Variants in MEI4 observed in about 807,000 individuals in gnomAD.
MEI4 encodes the protein meiotic double-stranded break formation protein 4.
In MEI4, 27 loss-of-function variants were observed where a neutral mutation model predicts 31.4. That is an observed-to-expected ratio of 0.86 (90% CI 0.63 to 1.19). The LOEUF is 1.19. Among genes scored for constraint, MEI4 ranks in the 50% most tolerant of loss-of-function variants. MEI4 has a pLI of 0.00. For synonymous variants in MEI4, 122 were observed against 145.4 expected (o/e 0.84, Z 1.16); for missense variants, 329 against 398.9 (o/e 0.82, Z 1.49).
intron 4 of MEI4, among the ~76,000 whole-genome samples, chr6:77,863,602 C>G (rs6933053): frequency 0.019 from 2,880 of 152,270 alleles, 65 homozygotes; most frequent in East Asian, 0.088. Context: ...AAATCTACGT[C>G]TGATTGGTAC....
chr6:77,704,259 A>G (rs1238380340), intron 2 of MEI4, among the ~76,000 whole-genome samples: 1 of 152,114 alleles, frequency 6.6e-6, no homozygotes, highest in African/African-American at 2.4e-5. Flanking sequence ...CTTCTCCCCC[A>G]GTGCCCTTTA....
intron 2 of MEI4, among the ~76,000 whole-genome samples, chr6:77,732,277 A>G (rs1767025138): frequency 6.6e-6 from 1 of 151,932 alleles, no homozygotes; most frequent in African/African-American, 2.4e-5. Context: ...ATGTTCTTCC[A>G]TTTGTTTTTA....
rs776754775 is a variant in MEI4, at chr6:77,677,076, ATTAC to A, written c.-14-13579_-14-13576del. 2.4e-4 allele frequency among the ~76,000 whole-genome samples: 37 copies of A among 152,342 alleles called. 1 individual carries two copies. The highest frequency in any genetic ancestry group is 4.6e-4 in the Non-Finnish European group (31 of 68,018). On this transcript the variant is annotated intron_variant, in intron 1 of 4. Coordinates refer to ENST00000684080, the MANE Select transcript of MEI4 (RefSeq NM_001322247.2). ...GTGGGCTTATGGTTAAGATGTTTAT[ATTAC>A]TTCAGTCACTTTATGCTAGAAAAGT...
chr6:77,685,172 A>G (rs1166426880), intron 1 of MEI4, among the ~76,000 whole-genome samples: 1 of 152,080 alleles, frequency 6.6e-6, no homozygotes, highest in African/African-American at 2.4e-5. Context: ...GTCTATTCAA[A>G]TCTTTTGCCC....
intron 4 of MEI4, among the ~76,000 whole-genome samples, chr6:77,914,895 A>G (rs1273193340): frequency 6.6e-6 from 1 of 151,796 alleles, no homozygotes. Flanking sequence ...TTTCACTTCT[A>G]TTTGCATTGA....
chr6:77,861,691 T>C (rs2127721317), intron 4 of MEI4, among the ~76,000 whole-genome samples: 1 of 152,322 alleles, frequency 6.6e-6, no homozygotes, highest in African/African-American at 2.4e-5. Context: ...GAGTTCAAAA[T>C]CTGCTTCAGG....
rs145660730 is a variant in MEI4, at chr6:77,780,787, T to G, written c.768+19122T>G. On this transcript the variant is annotated intron_variant, in intron 3 of 4. Coordinates refer to ENST00000684080, the MANE Select transcript of MEI4 (RefSeq NM_001322247.2). ...TCTAATATTGTCTTATTGAATTGAATAGTTGAATTGATGAGTATCTAATGT... is the reference window on the plus strand; with the variant it reads ...TCTAATATTGTCTTATTGAATTGAAGAGTTGAATTGATGAGTATCTAATGT... 5.6e-4 allele frequency among the ~76,000 whole-genome samples: 86 copies of G among 152,296 alleles called. 2 individuals carry two copies. The highest frequency in any genetic ancestry group is 1.5e-3 in the African/African-American group (62 of 41,570).
At chr6:77,752,645 G>T (rs1309083259) in intron 2 of MEI4, among the ~76,000 whole-genome samples, 1 of 152,178 alleles carries the variant, frequency 6.6e-6, no homozygotes, top group Non-Finnish European at 1.5e-5. Flanking sequence ...CATGCTCATT[G>T]ATAGGAAGAA....
chr6:77,733,021 C>G (rs1474187762), intron 2 of MEI4, among the ~76,000 whole-genome samples: 2 of 151,868 alleles, frequency 1.3e-5, no homozygotes, highest in South Asian at 4.2e-4. Context: ...CTGCTGGATT[C>G]GTTTTGCCAG....
intron 2 of MEI4, among the ~76,000 whole-genome samples, chr6:77,747,471 G>T (rs1487098560): frequency 2.0e-5 from 3 of 152,172 alleles, no homozygotes; most frequent in Non-Finnish European, 4.4e-5. Flanking sequence ...CATGGCAGCA[G>T]GTGAGAGAGA....
At chr6:77,845,376 G>A (rs576489350) in intron 4 of MEI4, among the ~76,000 whole-genome samples, 28 of 152,256 alleles carry the variant, frequency 1.8e-4, no homozygotes, top group Admixed American at 1.5e-3. Flanking sequence ...GTGTCTGTGA[G>A]GGGGAGTGTG....
intron 1 of MEI4, among the ~76,000 whole-genome samples, chr6:77,660,137 G>A (rs571664304): frequency 2.0e-5 from 3 of 152,084 alleles, no homozygotes; most frequent in Non-Finnish European, 2.9e-5. Context: ...GTAAGGCGGG[G>A]ACAGCTGTGT....
intron 4 of MEI4, among the ~76,000 whole-genome samples, chr6:77,845,498 A>C (rs1178745027): frequency 6.6e-6 from 1 of 152,120 alleles, no homozygotes; most frequent in Non-Finnish European, 1.5e-5. Context: ...TCAGTTATTT[A>C]ATATATTTGG....
intron 1 of MEI4, among the ~76,000 whole-genome samples, chr6:77,659,827 G>A (rs1768468528): frequency 6.6e-6 from 1 of 152,194 alleles, no homozygotes; most frequent in Non-Finnish European, 1.5e-5. Context: ...ACATCGAGAA[G>A]GTGAAAGATT....
At chr6:77,909,530 G>T (rs920765661) in intron 4 of MEI4, among the ~76,000 whole-genome samples, 2 of 152,134 alleles carry the variant, frequency 1.3e-5, no homozygotes, top group Non-Finnish European at 2.9e-5. Context: ...TCTCTGAATA[G>T]ACCAGTAACA....
intron 3 of MEI4, among the ~76,000 whole-genome samples, chr6:77,788,599 T>C (rs1306158331): frequency 6.6e-6 from 1 of 152,010 alleles, no homozygotes; most frequent in Non-Finnish European, 1.5e-5. Context: ...AGCATTCTTA[T>C]ACACCAAGAA....
rs185784460 is a variant in MEI4, at chr6:77,756,883, T to G, written c.233-4247T>G. 2.1e-3 allele frequency among the ~76,000 whole-genome samples: 325 copies of G among 152,294 alleles called. 1 individual carries two copies. The highest frequency in any genetic ancestry group is 1.6e-3 in the Non-Finnish European group (109 of 68,034). The stretch of plus-strand genomic sequence containing the variant: ...TGATGAGGTGTCTGCTACAGATGAT[T>G]CTATTGTTTAGTGAAAAGATCATAA... On this transcript the variant is annotated intron_variant, in intron 2 of 4. Transcript: ENST00000684080.
At chr6:77,817,035 G>T (rs1354575310) in intron 3 of MEI4, among the ~76,000 whole-genome samples, 1 of 151,840 alleles carries the variant, frequency 6.6e-6, no homozygotes, top group Non-Finnish European at 1.5e-5. Context: ...GTGTGTGTGT[G>T]TGTGTGTTGT....
chr6:77,766,068 C>T (rs1008844278), intron 3 of MEI4, among the ~76,000 whole-genome samples: 11 of 152,152 alleles, frequency 7.2e-5, no homozygotes, highest in Non-Finnish European at 1.3e-4. Flanking sequence ...GAAACACCTC[C>T]ATATATATTA....
Sources: gnomAD v4.1 joint callset for allele counts (sites outside exome capture counted in the v4.1 genomes callset) on GRCh38, gnomAD v4.1.1 for gene constraint, MANE v1.5 for transcripts, NCBI Gene and HGNC (gene_info 2026-07-23, HGNC 2026-07-21) for gene names.